ASZ1: variants seen among roughly 807,000 people sequenced by gnomAD.
The protein encoded by ASZ1 is ankyrin repeat, SAM and basic leucine zipper domain containing 1, also known as ankyrin repeat, SAM and basic leucine zipper domain-containing protein 1.
A neutral mutation model predicts 61.8 loss-of-function variants in ASZ1; 67 were observed. That is an observed-to-expected ratio of 1.08 (90% confidence interval 0.89 to 1.33). The LOEUF (loss-of-function observed/expected upper bound fraction) is 1.33. Ranked by LOEUF, ASZ1 falls within the 40% of genes most tolerant of loss-of-function variation. The pLI, the probability that ASZ1 is intolerant of heterozygous loss-of-function variation, is 0.00. For synonymous variants in ASZ1, 193 were observed against 192.7 expected, an observed-to-expected ratio of 1.00 and a Z score of -0.01; for missense variants, 577 against 554.5, an observed-to-expected ratio of 1.04 and a Z score of -0.41.
chr7:117,404,467 T>C (rs1796744278), intron 4 of ASZ1, among the ~76,000 whole-genome samples: 1 of 150,986 alleles, frequency 6.6e-6, no homozygotes, highest in African/African-American at 2.4e-5. Context: ...TGCATACCTC[T>C]TACTTATGCA....
intron 3 of ASZ1, among the ~76,000 whole-genome samples, chr7:117,420,920 G>C (rs980148011): frequency 1.3e-5 from 2 of 152,118 alleles, no homozygotes; most frequent in Non-Finnish European, 2.9e-5. Context: ...TACTGACAGA[G>C]CATATTCTAG....
chr7:117,379,879 T>C (rs1796216792), intron 10 of ASZ1, 59 bp downstream of exon 10: 1 of 1,138,924 alleles, frequency 8.8e-7, no homozygotes, highest in African/African-American at 1.6e-5. Context: ...AAAATTAAAC[T>C]AAAAAGAACA....
chr7:117,364,474 TAAAG>T (rs1795896529), intron 12 of ASZ1, among the ~76,000 whole-genome samples: 1 of 149,556 alleles, frequency 6.7e-6, no homozygotes, highest in Non-Finnish European at 1.5e-5. Flanking sequence ...AGAAAAGACT[TAAAG>T]AGGGAGGGCT....
rs2116463949 is a variant in ASZ1 at position 117,379,556 on chromosome 7, A to T, written c.1055+382T>A. The stretch of plus-strand genomic sequence containing the variant: ...TGAAAATAGAACTGAGCTACATGAG[A>T]CATGTTTTCTTATTGCCCTAAGTGA... On this transcript the variant is annotated intron_variant, in intron 10 of 12. Transcript: ENST00000284629. Among the ~76,000 whole-genome samples the T allele has an allele frequency of 2.0e-5, 3 of 151,920 alleles. 1 individual carries two copies. The South Asian group carries it at 6.2e-4, about 32-fold the overall frequency.
At chr7:117,401,798 T>C (rs1341778411) in intron 4 of ASZ1, among the ~76,000 whole-genome samples, 1 of 152,114 alleles carries the variant, frequency 6.6e-6, no homozygotes, top group African/African-American at 2.4e-5. Flanking sequence ...CCTTCATAGG[T>C]AAGGAGTGAA....
chr7:117,417,415 A>C (rs763876930), intron 4 of ASZ1, among the ~76,000 whole-genome samples: 1 of 152,226 alleles, frequency 6.6e-6, no homozygotes, highest in Non-Finnish European at 1.5e-5. Flanking sequence ...TGACATCTGA[A>C]GAGTGGTTCC....
intron 4 of ASZ1, among the ~76,000 whole-genome samples, chr7:117,408,358 C>T (rs1796831363): frequency 6.6e-6 from 1 of 152,088 alleles, no homozygotes; most frequent in African/African-American, 2.4e-5. Flanking sequence ...TTCAAAAGAT[C>T]ACCCCTATCA....
rs981751323 is a variant in ASZ1, at chr7:117,380,008, C to T, written c.985G>A (p.Ala329Thr). The T allele has an allele frequency of 6.2e-7, 1 of 1,606,288 alleles. No individual in the cohort carries two copies. The highest frequency in any genetic ancestry group is 1.3e-5 in the African/African-American group (1 of 74,686). Residue 329 changes from alanine to threonine, a missense_variant, in exon 10 of 13, where the codon GCT becomes ACT. Transcript: ENST00000284629. ...TSKDQQKILAALKELQVEEIQ... is the reference protein window; with the variant it reads ...TSKDQQKILATLKELQVEEIQ... ...TCTTCTACCTGTAGTTCTTTAAGAG[C>T]AGCCAGAATTTTCTGCTGGTCTTTA...
At chr7:117,374,719 G>C (rs1486698837) in intron 10 of ASZ1, among the ~76,000 whole-genome samples, 1 of 152,002 alleles carries the variant, frequency 6.6e-6, no homozygotes, top group Non-Finnish European at 1.5e-5. Flanking sequence ...TTAAAAGTAA[G>C]ATTAGAGGAA....
In ASZ1 at chr7:117,420,127, T is replaced by C. The variant is rs1360373912; in HGVS notation, c.440+36A>G. The C allele has an allele frequency of 3.4e-6, 5 of 1,484,032 alleles. No individual in the cohort carries two copies. In the South Asian group the frequency reaches 4.9e-5, roughly 15 times the overall value. 91.9% of individuals were successfully genotyped at this position (1,484,032 alleles called of 1,614,324 possible). A position where few individuals can be genotyped will look rare whatever the true frequency, so the allele number is the denominator to read the frequency against. ...GCTGATACCAAAGAAAAATTCTAATTTGACTTGAATTTTGAACAGATATAA... is the reference window on the plus strand; with the variant it reads ...GCTGATACCAAAGAAAAATTCTAATCTGACTTGAATTTTGAACAGATATAA... On this transcript the variant is annotated intron_variant, in intron 4 of 12. Transcript: ENST00000284629.
At chr7:117,387,523 G>A (rs1348085266) in intron 4 of ASZ1, among the ~76,000 whole-genome samples, 2 of 152,052 alleles carry the variant, frequency 1.3e-5, no homozygotes, top group Non-Finnish European at 2.9e-5. Context: ...ATTTCATAAA[G>A]CCACCATTAA....
intron 4 of ASZ1, among the ~76,000 whole-genome samples, chr7:117,416,844 T>A (rs1488452782): frequency 6.6e-6 from 1 of 152,226 alleles, no homozygotes; most frequent in Admixed American, 6.5e-5. Flanking sequence ...ATTAGTTAAG[T>A]AGAGGAAATT....
chr7:117,415,276 T>G (rs1275931985), intron 4 of ASZ1, among the ~76,000 whole-genome samples: 1 of 152,204 alleles, frequency 6.6e-6, no homozygotes, highest in Non-Finnish European at 1.5e-5. Context: ...TCATAACTTT[T>G]GAATTGCACA....
chr7:117,381,553 C>T (rs1796254451), intron 8 of ASZ1, among the ~76,000 whole-genome samples: 1 of 152,088 alleles, frequency 6.6e-6, no homozygotes, highest in African/African-American at 2.4e-5. Context: ...AGTATCTCCA[C>T]CTAGCTGGTA....
intron 3 of ASZ1, among the ~76,000 whole-genome samples, chr7:117,421,092 T>C (rs1797091443): frequency 6.6e-6 from 1 of 152,244 alleles, no homozygotes. Flanking sequence ...ATATATTTTA[T>C]AGCTCTAACT....
At chr7:117,393,017 T>A (rs1223841170) in intron 4 of ASZ1, among the ~76,000 whole-genome samples, 1 of 152,064 alleles carries the variant, frequency 6.6e-6, no homozygotes, top group Non-Finnish European at 1.5e-5. Context: ...TGGCTAATTT[T>A]TGGTATTTTT....
chr7:117,409,144 G>A (rs1796846234), intron 4 of ASZ1, among the ~76,000 whole-genome samples: 1 of 151,954 alleles, frequency 6.6e-6, no homozygotes, highest in Admixed American at 6.6e-5. Flanking sequence ...AAGAAAGAAG[G>A]AAAGGGAATA....
chr7:117,371,101 A>T (rs1469933710), intron 10 of ASZ1, among the ~76,000 whole-genome samples: 1 of 152,156 alleles, frequency 6.6e-6, no homozygotes, highest in South Asian at 2.1e-4. Flanking sequence ...CTAACATTAT[A>T]GGCGTGAGCC....
chr7:117,382,894 T>C (rs1034788519), intron 7 of ASZ1, 92 bp downstream of exon 7: 13 of 1,252,948 alleles, frequency 1.0e-5, no homozygotes, highest in African/African-American at 3.2e-5. Flanking sequence ...TAAAATATCA[T>C]ATATTTTAAA....
Sources: gnomAD v4.1 joint callset for allele counts (sites outside exome capture counted in the v4.1 genomes callset) on GRCh38, gnomAD v4.1.1 for gene constraint, MANE v1.5 for transcripts, NCBI Gene and HGNC (gene_info 2026-07-23, HGNC 2026-07-21) for gene names.